The following RAPGEF4 variants were observed in gnomAD, a reference collection of about 807,000 sequenced individuals.
The protein encoded by RAPGEF4 is Rap guanine nucleotide exchange factor 4.
Under a neutral mutation model 147.9 loss-of-function variants are expected in RAPGEF4, and 66 were observed. The observed-to-expected ratio is 0.45, with a 90% confidence interval of 0.37 to 0.55. The LOEUF (loss-of-function observed/expected upper bound fraction) is 0.55. Among genes scored for constraint, RAPGEF4 ranks in the 20% least tolerant of loss-of-function variants. The pLI is 0.00. For synonymous variants in RAPGEF4, 419 were observed against 442.7 expected, an observed-to-expected ratio of 0.95 and a Z score of 0.67; for missense variants, 1,071 against 1,257.3, an observed-to-expected ratio of 0.85 and a Z score of 2.24.
intron 4 of RAPGEF4, among the ~76,000 whole-genome samples, chr2:172,837,918 T>C (rs1691142037): frequency 6.6e-6 from 1 of 152,210 alleles, no homozygotes; most frequent in Admixed American, 6.5e-5. Flanking sequence ...GGTGTAGTAT[T>C]CCATTCTCAC....
chr2:172,887,592 C>T (rs1268372102), intron 4 of RAPGEF4, among the ~76,000 whole-genome samples: 1 of 152,146 alleles, frequency 6.6e-6, no homozygotes, highest in Non-Finnish European at 1.5e-5. Flanking sequence ...TTTAGTGTTA[C>T]AATGGCAGAG....
rs1683797729 is a variant in RAPGEF4, at chr2:172,773,145, G to A, written c.66-21880G>A. On this transcript the variant is annotated intron_variant, in intron 1 of 30. Transcript: ENST00000397081. ...TTTTCCTTCTTACACAAGTTCATAA[G>A]TATCTGAAAAATCCAGATCTTTTAC... Among the ~76,000 whole-genome samples, 3 of 152,120 alleles carry A rather than the reference G, an allele frequency of 2.0e-5. No individual in the cohort carries two copies. The South Asian group carries it at 6.2e-4, about 32-fold the overall frequency.
chr2:172,872,845 T>G (rs1049305803), intron 4 of RAPGEF4, among the ~76,000 whole-genome samples: 1 of 152,160 alleles, frequency 6.6e-6, no homozygotes, highest in Non-Finnish European at 1.5e-5. Flanking sequence ...TTTATAGCAG[T>G]GAGAGAATGG....
intron 4 of RAPGEF4, among the ~76,000 whole-genome samples, chr2:172,850,591 C>A (rs1692698226): frequency 6.6e-6 from 1 of 151,514 alleles, no homozygotes; most frequent in Non-Finnish European, 1.5e-5. Context: ...GCACTCCAGC[C>A]TGGGCCACAG....
Position 173,014,470 on chromosome 2 carries a change from C to T in RAPGEF4, c.1665C>T (p.His555=), listed in dbSNP as rs566972770. The T allele has an allele frequency of 1.2e-5, 19 of 1,613,870 alleles. No homozygotes were observed. The highest frequency in any genetic ancestry group is 1.4e-5 in the Non-Finnish European group (16 of 1,179,916). ...QLCPALVAHY[H]AQPSQGTEQE... Reference sequence around the variant, plus strand: ...TTCCTTGACTCCTCGGCACCTACCACGCACAGCCTTCACAAGGTACAGAAC... The same window carrying T: ...TTCCTTGACTCCTCGGCACCTACCATGCACAGCCTTCACAAGGTACAGAAC... Residue 555 remains histidine, a synonymous_variant, in exon 18 of 31, where the codon CAC becomes CAT. Coordinates refer to ENST00000397081, the MANE Select transcript of RAPGEF4 (RefSeq NM_007023.4).
At chr2:172,976,378 C>T (rs1388811764) in intron 10 of RAPGEF4, among the ~76,000 whole-genome samples, 1 of 152,138 alleles carries the variant, frequency 6.6e-6, no homozygotes, top group African/African-American at 2.4e-5. Context: ...AAGTGCAAAA[C>T]TGCACTAAAC....
At chr2:172,937,800 CA>C (rs58286606) in intron 6 of RAPGEF4, among the ~76,000 whole-genome samples, 123,459 of 152,004 alleles carry the variant, frequency 0.81, 52,081 homozygotes, top group East Asian at 0.98. Context: ...TTTATTCTGT[CA>C]TTTTTTTTAT....
At chr2:172,823,933 A>G (rs1689382252) in intron 4 of RAPGEF4, among the ~76,000 whole-genome samples, 1 of 152,248 alleles carries the variant, frequency 6.6e-6, no homozygotes, top group Admixed American at 6.5e-5. Flanking sequence ...ATTGTAAAAT[A>G]GAGATACCTT....
At chr2:172,736,848 G>C (rs1353751662) in intron 1 of RAPGEF4, among the ~76,000 whole-genome samples, 2 of 152,194 alleles carry the variant, frequency 1.3e-5, no homozygotes, top group African/African-American at 4.8e-5. Context: ...TGATGCATCT[G>C]AACTTTTAAG....
chr2:173,049,600 T>C (rs927098681), intron 30 of RAPGEF4, among the ~76,000 whole-genome samples: 5 of 152,230 alleles, frequency 3.3e-5, no homozygotes, highest in Admixed American at 3.3e-4. Context: ...CAGGACTGGC[T>C]CATGGCCAGA....
At chr2:172,801,110 AC>A (rs1328944235) in intron 3 of RAPGEF4, among the ~76,000 whole-genome samples, 5 of 152,176 alleles carry the variant, frequency 3.3e-5, no homozygotes, top group African/African-American at 1.2e-4. Flanking sequence ...AGGCTTGAAA[AC>A]AAGGCTCAGT....
chr2:173,035,149 G>C (rs1203752384), intron 27 of RAPGEF4, among the ~76,000 whole-genome samples: 1 of 151,466 alleles, frequency 6.6e-6, no homozygotes, highest in Non-Finnish European at 1.5e-5. Flanking sequence ...TGACCTCTTG[G>C]GCTCAAGCAA....
At chr2:173,012,325 G>C (rs1265155835) in intron 17 of RAPGEF4, among the ~76,000 whole-genome samples, 1 of 152,124 alleles carries the variant, frequency 6.6e-6, no homozygotes, top group African/African-American at 2.4e-5. Flanking sequence ...ACCGTACTCA[G>C]AATTCAGAAT....
intron 6 of RAPGEF4, among the ~76,000 whole-genome samples, chr2:172,932,831 A>C (rs1270891449): frequency 6.6e-6 from 1 of 152,208 alleles, no homozygotes; most frequent in Non-Finnish European, 1.5e-5. Flanking sequence ...CTTACATTTA[A>C]ATATTCGTGT....
At chr2:172,886,359 A>G (rs192184685) in intron 4 of RAPGEF4, among the ~76,000 whole-genome samples, 1 of 152,302 alleles carries the variant, frequency 6.6e-6, no homozygotes, top group East Asian at 1.9e-4. Flanking sequence ...AAAGTCTAAA[A>G]TGTTTACCAT....
intron 14 of RAPGEF4, among the ~76,000 whole-genome samples, chr2:172,990,513 T>C (rs564130842): frequency 6.7e-6 from 1 of 149,156 alleles, no homozygotes; most frequent in Non-Finnish European, 1.5e-5. Context: ...TAAATGCCTT[T>C]GCTCCCCACC....
At chr2:172,775,924 T>C (rs954699568) in intron 1 of RAPGEF4, among the ~76,000 whole-genome samples, 5 of 152,194 alleles carry the variant, frequency 3.3e-5, no homozygotes, top group African/African-American at 1.2e-4. Context: ...CTATTACTAC[T>C]ATATAATCTT....
At chr2:172,822,071 T>C in intron 4 of RAPGEF4, 3 of 1,426,992 alleles carry the variant, frequency 2.1e-6, no homozygotes, top group Non-Finnish European at 2.9e-6. Flanking sequence ...CTCAAAAACA[T>C]CTCTGGCTTT....
At chr2:172,948,302 T>G (rs1395700743) in intron 6 of RAPGEF4, among the ~76,000 whole-genome samples, 1 of 152,176 alleles carries the variant, frequency 6.6e-6, no homozygotes, top group Admixed American at 6.5e-5. Flanking sequence ...TTGTTCAGGT[T>G]TATGTTCTAT....
Sources: gnomAD v4.1 joint callset for allele counts (sites outside exome capture counted in the v4.1 genomes callset) on GRCh38, gnomAD v4.1.1 for gene constraint, MANE v1.5 for transcripts, NCBI Gene and HGNC (gene_info 2026-07-23, HGNC 2026-07-21) for gene names.